NPAS3: variants seen among roughly 807,000 people sequenced by gnomAD.
NPAS3 encodes the protein neuronal PAS domain-containing protein 3.
In NPAS3, 14 loss-of-function variants were observed where a neutral mutation model predicts 73.1. The ratio of observed to expected loss-of-function variants is 0.19; its 90% CI spans 0.13 to 0.30. The LOEUF (loss-of-function observed/expected upper bound fraction) is 0.30, where lower values mean the gene tolerates loss of function less well. NPAS3 is among the 10% of genes least tolerant of loss of function. The pLI is 1.00. For synonymous variants in NPAS3, 620 were observed against 541.5 expected (o/e 1.14, Z -2.01); for missense variants, 1,096 against 1,250.0 (o/e 0.88, Z 1.86).
chr14:33,078,645 G>A (rs931102936), intron 2 of NPAS3, among the ~76,000 whole-genome samples: 1 of 152,008 alleles, frequency 6.6e-6, no homozygotes, highest in Non-Finnish European at 1.5e-5. Flanking sequence ...TTTAAGTAGA[G>A]CATTTTTCTC....
chr14:33,152,684 G>A (rs11844683), intron 2 of NPAS3, among the ~76,000 whole-genome samples: 1 of 152,096 alleles, frequency 6.6e-6, no homozygotes, highest in East Asian at 1.9e-4. Flanking sequence ...TTTTCATATA[G>A]CATCTGGCTT....
intron 4 of NPAS3, among the ~76,000 whole-genome samples, chr14:33,381,908 C>G (rs1313945703): frequency 6.6e-6 from 1 of 152,134 alleles, no homozygotes; most frequent in Admixed American, 6.6e-5. Flanking sequence ...CTTGCCATTT[C>G]CATAGCCGGT....
intron 5 of NPAS3, among the ~76,000 whole-genome samples, chr14:33,653,270 G>A (rs2059051483): frequency 6.6e-6 from 1 of 152,208 alleles, no homozygotes; most frequent in African/African-American, 2.4e-5. Flanking sequence ...TGACTCTTGG[G>A]TTGTCAGCAT....
intron 3 of NPAS3, among the ~76,000 whole-genome samples, chr14:33,323,005 A>G (rs1193328226): frequency 2.6e-5 from 4 of 152,138 alleles, no homozygotes; most frequent in Non-Finnish European, 5.9e-5. Flanking sequence ...TCTCTTTCAT[A>G]GGTCACCATC....
At chr14:33,271,795 G>T (rs139912540) in intron 3 of NPAS3, among the ~76,000 whole-genome samples, 2 of 151,860 alleles carry the variant, frequency 1.3e-5, no homozygotes, top group Non-Finnish European at 2.9e-5. Context: ...TCCATTTGGG[G>T]GGACAATATT....
chr14:33,124,187 A>G (rs1208556751), intron 2 of NPAS3, among the ~76,000 whole-genome samples: 1 of 151,946 alleles, frequency 6.6e-6, no homozygotes, highest in Admixed American at 6.6e-5. Context: ...GATTGTGTAC[A>G]TTTCTTTGGG....
intron 3 of NPAS3, among the ~76,000 whole-genome samples, chr14:33,247,875 G>C (rs1301436248): frequency 6.6e-6 from 1 of 152,174 alleles, no homozygotes; most frequent in African/African-American, 2.4e-5. Context: ...CCTAGTCTTT[G>C]CTCTCAGATT....
At chr14:33,658,135 T>G (rs1323701589) in intron 5 of NPAS3, among the ~76,000 whole-genome samples, 1 of 152,234 alleles carries the variant, frequency 6.6e-6, no homozygotes, top group Non-Finnish European at 1.5e-5. Flanking sequence ...GGGAACTGTT[T>G]ATGTGCTTAG....
At chr14:33,791,945 AC>A (rs2063370235) in intron 9 of NPAS3, among the ~76,000 whole-genome samples, 1 of 152,168 alleles carries the variant, frequency 6.6e-6, no homozygotes, top group Non-Finnish European at 1.5e-5. Context: ...ACAGAATTAT[AC>A]CCCCAACCAC....
In NPAS3 at chr14:33,451,517, T is replaced by C. The variant is rs112019277; in HGVS notation, c.468+84249T>C. The stretch of plus-strand genomic sequence containing the variant: ...TTGGTGTCCAGAAACTGTTACTATT[T>C]ATTTTCCTCTCTCTCGATCATTTTC... On this transcript the variant is annotated intron_variant, in intron 4 of 11. Transcript: ENST00000356141. Among the ~76,000 whole-genome samples, 1,281 of 152,360 alleles carry C rather than the reference T, an allele frequency of 8.4e-3. 11 individuals carry two copies. Among genetic ancestry groups the C allele is most frequent in the Non-Finnish European group, 0.014 (942 of 68,032 alleles).
intron 7 of NPAS3, among the ~76,000 whole-genome samples, chr14:33,761,422 A>G (rs1054999161): frequency 6.6e-6 from 1 of 152,132 alleles, no homozygotes; most frequent in African/African-American, 2.4e-5. Context: ...TTCAAGAGCC[A>G]TATGCTTTCA....
At chr14:33,335,665 G>C (rs886995911) in intron 3 of NPAS3, among the ~76,000 whole-genome samples, 1 of 152,078 alleles carries the variant, frequency 6.6e-6, no homozygotes, top group Non-Finnish European at 1.5e-5. Context: ...CTTGCGGGAC[G>C]TTTGAGTGGG....
intron 5 of NPAS3, among the ~76,000 whole-genome samples, chr14:33,567,742 G>T (rs2056031338): frequency 6.6e-6 from 1 of 152,136 alleles, no homozygotes. Context: ...CTTATTACAG[G>T]TGCATTTCTT....
chr14:33,409,220 G>T (rs1263937826), intron 4 of NPAS3, among the ~76,000 whole-genome samples: 1 of 152,170 alleles, frequency 6.6e-6, no homozygotes, highest in Admixed American at 6.6e-5. Flanking sequence ...CCACTGGGGG[G>T]TTCTGAGATG....
chr14:33,801,169 C>T, downstream of NPAS3: 1 of 1,528,894 alleles, frequency 6.5e-7, no homozygotes, highest in Non-Finnish European at 8.7e-7. Context: ...TCGGCATTTT[C>T]GTTTAGACCT....
intron 6 of NPAS3, among the ~76,000 whole-genome samples, chr14:33,699,101 G>T (rs902694051): frequency 6.6e-6 from 1 of 152,148 alleles, no homozygotes; most frequent in Non-Finnish European, 1.5e-5. Context: ...GTGAGAGTTG[G>T]GAGGAAGGCT....
intron 5 of NPAS3, among the ~76,000 whole-genome samples, chr14:33,634,134 A>G (rs2058452236): frequency 6.6e-6 from 1 of 152,162 alleles, no homozygotes; most frequent in Admixed American, 6.5e-5. Flanking sequence ...TGGAAACTCG[A>G]ATTGGGTCAA....
At chr14:33,638,862 C>G (rs534137322) in intron 5 of NPAS3, among the ~76,000 whole-genome samples, 1 of 152,342 alleles carries the variant, frequency 6.6e-6, no homozygotes, top group East Asian at 1.9e-4. Flanking sequence ...AGTAATGTAA[C>G]TGTCCTAAAT....
At chr14:33,389,629 T>C (rs1226484316) in intron 4 of NPAS3, among the ~76,000 whole-genome samples, 2 of 152,210 alleles carry the variant, frequency 1.3e-5, no homozygotes, top group African/African-American at 4.8e-5. Flanking sequence ...CTTAATTTTA[T>C]TGAATAAATT....
Sources: allele counts gnomAD v4.1 joint callset (sites outside exome capture counted in the v4.1 genomes callset), GRCh38; gene constraint gnomAD v4.1.1; transcripts MANE v1.5; gene names NCBI Gene and HGNC (gene_info 2026-07-23, HGNC 2026-07-21).